The following DOK5 variants were observed in gnomAD, a reference collection of about 807,000 sequenced individuals.
DOK5 encodes downstream of tyrosine kinase 5.
In DOK5, 27 loss-of-function variants were observed where a neutral mutation model predicts 43.3. The observed-to-expected ratio is 0.62, with a 90% confidence interval of 0.46 to 0.86. The LOEUF is 0.86. Ranked by LOEUF, DOK5 falls within the 40% of genes least tolerant of loss-of-function variation. DOK5 has a pLI of 0.00. For missense variants in DOK5, 373 were observed against 392.9 expected (o/e 0.95, Z 0.43); for synonymous variants, 146 against 140.1 (o/e 1.04, Z -0.30).
intron 6 of DOK5, among the ~76,000 whole-genome samples, chr20:54,641,583 C>CAT (rs1037658175): frequency 1.1e-4 from 6 of 56,434 alleles, no homozygotes; most frequent in African/African-American, 2.1e-4. Context: ...ATCATCATCT[C>CAT]CATCTCCATT....
At chr20:54,618,681 C>A (rs1452601977) in intron 6 of DOK5, among the ~76,000 whole-genome samples, 3 of 152,002 alleles carry the variant, frequency 2.0e-5, no homozygotes, top group East Asian at 3.9e-4. Context: ...AATCAGAGTA[C>A]CTTTCAGAAG....
intron 1 of DOK5, among the ~76,000 whole-genome samples, chr20:54,552,869 A>G (rs9917433): frequency 0.15 from 23,534 of 152,226 alleles, 2,086 homozygotes; most frequent in African/African-American, 0.26. Context: ...AATGGAATAT[A>G]TAAACATTGC....
intron 5 of DOK5, among the ~76,000 whole-genome samples, chr20:54,592,741 C>T (rs1462206129): frequency 1.3e-5 from 2 of 152,042 alleles, no homozygotes; most frequent in African/African-American, 4.8e-5. Context: ...TGGGGTTTCA[C>T]CGTGTTAGCC....
rs78099906 is a variant in DOK5 at position 54,546,337 on chromosome 20, T to G, written c.67-8596T>G. 3.2e-3 allele frequency among the ~76,000 whole-genome samples: 488 copies of G among 152,302 alleles called. 5 individuals carry two copies. Among genetic ancestry groups the G allele is most frequent in the African/African-American group, 0.011 (460 of 41,556 alleles). ...TATTTGATTTGCTTTGGAAAGTAAG[T>G]GCCAATAGGAGTAGCACATGAGAAC... On this transcript the variant is annotated intron_variant, in intron 1 of 7. Transcript: ENST00000262593.
At chr20:54,604,416 T>C (rs1209827947) in intron 5 of DOK5, among the ~76,000 whole-genome samples, 2 of 151,454 alleles carry the variant, frequency 1.3e-5, no homozygotes, top group African/African-American at 4.9e-5. Context: ...CACCCACCCC[T>C]CTTCTCAACT....
chr20:54,647,557 TCAA>T (rs1979495679), intron 7 of DOK5, among the ~76,000 whole-genome samples: 1 of 149,058 alleles, frequency 6.7e-6, no homozygotes. Context: ...ACAGAAGCAA[TCAA>T]CAAGTTTATG....
chr20:54,647,849 T>C (rs1337429393), intron 7 of DOK5, among the ~76,000 whole-genome samples: 1 of 152,182 alleles, frequency 6.6e-6, no homozygotes, highest in African/African-American at 2.4e-5. Flanking sequence ...TGCACATCTA[T>C]TTGGACATGA....
chr20:54,522,440 A>G (rs1418049762), intron 1 of DOK5, among the ~76,000 whole-genome samples: 2 of 152,184 alleles, frequency 1.3e-5, no homozygotes, highest in African/African-American at 2.4e-5. Context: ...AGAGGCAGAC[A>G]TGAGTGAAAA....
intron 6 of DOK5, among the ~76,000 whole-genome samples, chr20:54,625,656 G>T (rs1042290568): frequency 6.6e-6 from 1 of 152,164 alleles, no homozygotes; most frequent in Non-Finnish European, 1.5e-5. Context: ...CTTCTACAAA[G>T]TGTGGATTAT....
At chr20:54,569,691 C>G (rs111589009) in intron 2 of DOK5, among the ~76,000 whole-genome samples, 11 of 152,200 alleles carry the variant, frequency 7.2e-5, no homozygotes, top group African/African-American at 2.4e-4. Flanking sequence ...ATTCCATTCT[C>G]TCTGTAAATT....
At chr20:54,623,558 C>T (rs1322649105) in intron 6 of DOK5, among the ~76,000 whole-genome samples, 1 of 152,040 alleles carries the variant, frequency 6.6e-6, no homozygotes, top group Non-Finnish European at 1.5e-5. Flanking sequence ...TGAACTATTA[C>T]AGTGATTTCG....
intron 1 of DOK5, among the ~76,000 whole-genome samples, chr20:54,540,114 A>G (rs1030581220): frequency 6.6e-6 from 1 of 152,004 alleles, no homozygotes; most frequent in African/African-American, 2.4e-5. Flanking sequence ...CACCTCTCTA[A>G]GTCCCTTTGG....
At chr20:54,583,987 A>C (rs948584373) in intron 2 of DOK5, among the ~76,000 whole-genome samples, 1 of 112,294 alleles carries the variant, frequency 8.9e-6, no homozygotes, top group Non-Finnish European at 1.6e-5. Context: ...TAAAAATACA[A>C]AAAAAAAAAA....
intron 1 of DOK5, among the ~76,000 whole-genome samples, chr20:54,527,513 C>T (rs1171458176): frequency 6.6e-6 from 1 of 152,148 alleles, no homozygotes; most frequent in Admixed American, 6.5e-5. Context: ...TTAGGTGATA[C>T]ATGCTTCAGT....
intron 2 of DOK5, among the ~76,000 whole-genome samples, chr20:54,570,581 T>TA (rs1189300198): frequency 5.9e-5 from 9 of 151,952 alleles, no homozygotes; most frequent in African/African-American, 2.2e-4. Flanking sequence ...TTGGTAAACA[T>TA]AAATAAATCA....
intron 2 of DOK5, among the ~76,000 whole-genome samples, chr20:54,586,758 G>A (rs35780906): frequency 0.093 from 14,102 of 152,106 alleles, 1,085 homozygotes; most frequent in African/African-American, 0.21. Context: ...GAATGGGAGT[G>A]AGGTAAGGAG....
At chr20:54,589,253 G>A (rs1985909774) in intron 4 of DOK5, among the ~76,000 whole-genome samples, 1 of 152,130 alleles carries the variant, frequency 6.6e-6, no homozygotes, top group Non-Finnish European at 1.5e-5. Flanking sequence ...CTATATTACA[G>A]TTTACAGATT....
rs144844797 is a variant in DOK5, at chr20:54,522,613, G to A, written c.67-32320G>A. 4.6e-3 allele frequency among the ~76,000 whole-genome samples: 689 copies of A among 150,582 alleles called. 4 individuals carry two copies. Among genetic ancestry groups the A allele is most frequent in the African/African-American group, 0.016 (661 of 40,912 alleles). On this transcript the variant is annotated intron_variant, in intron 1 of 7. Coordinates refer to ENST00000262593, the MANE Select transcript of DOK5 (RefSeq NM_018431.5). ...TGGCTCACTGCAACCTCTGTCTCCC[G>A]GGTTCAAGCAACTCTCCTGCCTCAG...
intron 7 of DOK5, among the ~76,000 whole-genome samples, chr20:54,647,432 G>A (rs1243818353): frequency 6.6e-6 from 1 of 151,758 alleles, no homozygotes. Context: ...TTGAACCCAG[G>A]AGGCAGAGGT....
Sources: gnomAD v4.1 joint callset for allele counts (sites outside exome capture counted in the v4.1 genomes callset) on GRCh38, gnomAD v4.1.1 for gene constraint, MANE v1.5 for transcripts, NCBI Gene and HGNC (gene_info 2026-07-23, HGNC 2026-07-21) for gene names.